Variants in ZNF536 observed in about 807,000 individuals in gnomAD.
The protein encoded by ZNF536 is zinc finger protein 536.
A neutral mutation model predicts 84.5 loss-of-function variants in ZNF536; 13 were observed. That is an observed-to-expected ratio of 0.15 (90% CI 0.10 to 0.24). ZNF536 has a LOEUF of 0.24. ZNF536 is among the 10% of genes least tolerant of loss of function. The pLI is 1.00. For missense variants in ZNF536, 1,536 were observed against 1,747.5 expected, an observed-to-expected ratio of 0.88 and a Z score of 2.16; for synonymous variants, 811 against 742.5, an observed-to-expected ratio of 1.09 and a Z score of -1.50.
At chr19:30,698,179 C>T (rs528354824) in intron 1 of ZNF536, among the ~76,000 whole-genome samples, 2 of 152,030 alleles carry the variant, frequency 1.3e-5, no homozygotes, top group Non-Finnish European at 2.9e-5. Flanking sequence ...GTAGTCCCAG[C>T]TACGCAGGAT....
At chr19:30,591,688 G>C (rs2047284173) in intron 1 of ZNF536, among the ~76,000 whole-genome samples, 1 of 152,178 alleles carries the variant, frequency 6.6e-6, no homozygotes, top group African/African-American at 2.4e-5. Flanking sequence ...TTCTCTCTGA[G>C]TCACAGCCAG....
chr19:30,424,683 G>A (rs2051134843), intron 1 of ZNF536, among the ~76,000 whole-genome samples: 1 of 152,162 alleles, frequency 6.6e-6, no homozygotes, highest in South Asian at 2.1e-4. Context: ...AATCCACACG[G>A]CCTTCTTTCC....
chr19:30,310,319 G>T (rs1226644064), intron 2 of ZNF536, among the ~76,000 whole-genome samples: 1 of 152,218 alleles, frequency 6.6e-6, no homozygotes, highest in Non-Finnish European at 1.5e-5. Flanking sequence ...CTTAAACAGG[G>T]GTTGTTTTTC....
intron 1 of ZNF536, among the ~76,000 whole-genome samples, chr19:30,678,634 A>G (rs565053368): frequency 1.4e-3 from 220 of 152,306 alleles, no homozygotes; most frequent in African/African-American, 4.9e-3. Flanking sequence ...AGATCCTGGC[A>G]CTGGACTCCT....
At chr19:30,443,281 G>A (rs961384736) in intron 1 of ZNF536, among the ~76,000 whole-genome samples, 5 of 151,936 alleles carry the variant, frequency 3.3e-5, no homozygotes, top group African/African-American at 1.2e-4. Context: ...TGTTGAAAGT[G>A]GTAAAACATT....
chr19:30,328,971 G>A (rs1013359052), intron 2 of ZNF536, among the ~76,000 whole-genome samples: 1 of 152,238 alleles, frequency 6.6e-6, no homozygotes, highest in Non-Finnish European at 1.5e-5. Flanking sequence ...ATCAGAGTGA[G>A]AGATGGGAAT....
At chr19:30,463,901 G>A (rs73022849) in intron 2 of ZNF536, among the ~76,000 whole-genome samples, 1,997 of 152,164 alleles carry the variant, frequency 0.013, 23 homozygotes, top group Non-Finnish European at 0.023. Context: ...CAGCATCCTC[G>A]GGACCCCCTC....
At position 30,347,325 on chromosome 19, in the gene ZNF536, G is replaced by A. The variant is rs1277149599; in HGVS notation, c.-119-5043G>A. On this transcript the variant is annotated intron_variant, in intron 2 of 5. Transcript: ENST00000585628. ...TAAAACATACTCTGAAAGGTGACAC[G>A]AGGGTTCCTCTGGTCTAGCCGCCTG... Among the ~76,000 whole-genome samples the A allele has an allele frequency of 4.6e-5, 7 of 152,196 alleles. No homozygotes were observed. The East Asian group carries it at 1.3e-3, about 29-fold the overall frequency.
intron 1 of ZNF536, among the ~76,000 whole-genome samples, chr19:30,645,150 C>G (rs4588106): frequency 1 from 152,311 of 152,362 alleles, 76,130 homozygotes; most frequent in African/African-American, 1. Flanking sequence ...GTGTCTTTTG[C>G]CTGCATAAAT....
At chr19:30,529,828 G>A (rs1285405618) in intron 2 of ZNF536, among the ~76,000 whole-genome samples, 1 of 152,218 alleles carries the variant, frequency 6.6e-6, no homozygotes, top group Non-Finnish European at 1.5e-5. Context: ...TACAGTCTAG[G>A]AGGGTTGCAA....
At chr19:30,457,054 A>AC (rs959198049) in intron 2 of ZNF536, among the ~76,000 whole-genome samples, 1 of 151,698 alleles carries the variant, frequency 6.6e-6, no homozygotes, top group African/African-American at 2.4e-5. Context: ...AAAAAAAAAA[A>AC]AACAAAAAAA....
At chr19:30,551,037 C>T (rs1369332026) in intron 4 of ZNF536, among the ~76,000 whole-genome samples, 1 of 150,892 alleles carries the variant, frequency 6.6e-6, no homozygotes, top group Non-Finnish European at 1.5e-5. Flanking sequence ...TTTTTTTAAA[C>T]TGGGGGAGCA....
At chr19:30,239,503 G>A (rs2023782927) in intron 1 of ZNF536, among the ~76,000 whole-genome samples, 1 of 152,206 alleles carries the variant, frequency 6.6e-6, no homozygotes, top group Admixed American at 6.5e-5. Flanking sequence ...TCCTAGAACA[G>A]ACATGGCGGT....
intron 1 of ZNF536, among the ~76,000 whole-genome samples, chr19:30,643,687 T>G (rs1480010856): frequency 2.0e-5 from 3 of 152,080 alleles, no homozygotes. Flanking sequence ...CCAACCTGTG[T>G]GGAAGCATGG....
intron 1 of ZNF536, among the ~76,000 whole-genome samples, chr19:30,430,545 T>A (rs1047244348): frequency 1.3e-5 from 2 of 152,126 alleles, no homozygotes; most frequent in African/African-American, 2.4e-5. Context: ...ACCTGACATA[T>A]CAGGGAGGGC....
At chr19:30,394,092 CA>C (rs1343979355) in intron 1 of ZNF536, among the ~76,000 whole-genome samples, 1 of 152,138 alleles carries the variant, frequency 6.6e-6, no homozygotes, top group African/African-American at 2.4e-5. Context: ...AGCTCTCTAT[CA>C]GATCAGTGAG....
At chr19:30,239,468 C>T (rs2023780594) in intron 1 of ZNF536, among the ~76,000 whole-genome samples, 2 of 152,200 alleles carry the variant, frequency 1.3e-5, no homozygotes, top group African/African-American at 2.4e-5. Context: ...GGCACGTGGC[C>T]TGGACCTTCT....
At chr19:30,667,426 G>A (rs2147671711) in intron 1 of ZNF536, among the ~76,000 whole-genome samples, 1 of 152,210 alleles carries the variant, frequency 6.6e-6, no homozygotes, top group South Asian at 2.1e-4. Flanking sequence ...CTCTCCCTCT[G>A]TGTGCGTTAG....
At chr19:30,520,452 C>T (rs577311054) in intron 2 of ZNF536, among the ~76,000 whole-genome samples, 3 of 152,164 alleles carry the variant, frequency 2.0e-5, no homozygotes, top group Admixed American at 6.5e-5. Context: ...TTCTTTCTCC[C>T]TGTCATCCCA....
Sources: gnomAD v4.1 joint callset for allele counts (sites outside exome capture counted in the v4.1 genomes callset) on GRCh38, gnomAD v4.1.1 for gene constraint, MANE v1.5 for transcripts, NCBI Gene and HGNC (gene_info 2026-07-23, HGNC 2026-07-21) for gene names.